Variants in OGG1 observed in about 807,000 individuals in gnomAD.
OGG1 encodes N-glycosylase/DNA lyase.
In OGG1, 35 loss-of-function variants were observed where a neutral mutation model predicts 42.3. The observed-to-expected ratio is 0.83, with a 90% CI of 0.63 to 1.10. The LOEUF (loss-of-function observed/expected upper bound fraction) is 1.10. OGG1 is among the 50% of genes least tolerant of loss of function. OGG1 has a pLI of 0.00. For missense variants in OGG1, 484 were observed against 446.7 expected (o/e 1.08, Z -0.75); for synonymous variants, 189 against 179.0 (o/e 1.06, Z -0.44).
Position 9,772,900 on chromosome 3 carries a change from G to A in OGG1, c.295-8613G>A, listed in dbSNP as rs569776596. ...CAATTCTTCCAGATTTTTTGGATGC[G>A]TATACATATACATCCTTCTGCAGCC... On this transcript the variant is annotated intron_variant, in intron 2 of 3. Coordinates refer to the OGG1 transcript ENST00000426518. Among the ~76,000 whole-genome samples the A allele has an allele frequency of 1.5e-4, 23 of 152,178 alleles. No individual in the cohort carries two copies. In the South Asian group the frequency reaches 3.9e-3, roughly 26 times the overall value.
At chr3:9,774,301 C>T (rs112689600) in intron 2 of OGG1, among the ~76,000 whole-genome samples, 18 of 149,714 alleles carry the variant, frequency 1.2e-4, no homozygotes, top group Admixed American at 6.1e-4. Context: ...CCCAGCTACT[C>T]GGGAGGCTGA....
downstream of OGG1, chr3:9,757,790 G>A: frequency 6.2e-7 from 1 of 1,613,928 alleles, no homozygotes. The surrounding 1 kb of genome is among the most constrained non-coding windows in gnomAD (Gnocchi z 4.5). Flanking sequence ...CCTCCTGGCT[G>A]GTGCCCAGCT....
At chr3:9,786,923 T>A in intron 3 of OGG1, 8 of 1,297,732 alleles carry the variant, frequency 6.2e-6, no homozygotes, top group Non-Finnish European at 8.7e-6. Flanking sequence ...CTAATAAATG[T>A]ATGATAAATT....
exon 8 of OGG1, chr3:9,765,959 C>T (rs1316670134): frequency 1.2e-6 from 2 of 1,614,222 alleles, no homozygotes; most frequent in Admixed American, 3.3e-5. Context: ...CTCCTCCATT[C>T]CCTATGGGTT....
At chr3:9,754,626 A>T (rs2077451812) in intron 3 of OGG1, 78 bp from the exon 4 acceptor site, 1 of 1,476,258 alleles carries the variant, frequency 6.8e-7, no homozygotes, top group Non-Finnish European at 9.4e-7. Flanking sequence ...CTTGTGAGGT[A>T]GAGAGCTCAC....
At chr3:9,764,544 T>G (rs1348718468) in intron 7 of OGG1, among the ~76,000 whole-genome samples, 1 of 150,314 alleles carries the variant, frequency 6.7e-6, no homozygotes, top group Non-Finnish European at 1.5e-5. Context: ...ACTCCCCACC[T>G]CAGGTGATCT....
At chr3:9,772,650 G>T (rs1034728477) in intron 2 of OGG1, among the ~76,000 whole-genome samples, 5 of 152,172 alleles carry the variant, frequency 3.3e-5, no homozygotes, top group African/African-American at 1.2e-4. Flanking sequence ...AAGGACTCTG[G>T]CTCTGCTTGA....
chr3:9,785,898 T>C (rs1364979232), intron 3 of OGG1, among the ~76,000 whole-genome samples: 1 of 151,682 alleles, frequency 6.6e-6, no homozygotes, highest in Non-Finnish European at 1.5e-5. Flanking sequence ...TAGCTAGGCA[T>C]GGGCCAAAAA....
chr3:9,785,512 C>T lies in OGG1; in HGVS notation c.383-2216C>T, dbSNP rs933479820. The T allele has an allele frequency of 4.7e-6, 4 of 847,370 alleles. No homozygotes were observed. The African/African-American group carries it at 5.0e-5, about 11-fold the overall frequency. 52.5% of individuals were successfully genotyped at this position (847,370 alleles called of 1,614,324 possible). A position where few individuals can be genotyped will look rare whatever the true frequency, so the allele number is the denominator to read the frequency against. ...GACCTACACTGACAGTCTTCAAACA[C>T]CAGAAATATCCTTTTATCTTTCCCA... On this transcript the variant is annotated intron_variant, in intron 3 of 3. Coordinates refer to the OGG1 transcript ENST00000426518.
At chr3:9,756,881 C>T (rs373245651) in intron 6 of OGG1, 65 bp downstream of exon 6, 3 of 1,612,350 alleles carry the variant, frequency 1.9e-6, no homozygotes, top group African/African-American at 2.7e-5. Context: ...TGGACTCTTC[C>T]ACCACCGCCC....
intron 2 of OGG1, among the ~76,000 whole-genome samples, chr3:9,776,616 C>T (rs1277991167): frequency 1.3e-5 from 2 of 152,082 alleles, no homozygotes; most frequent in African/African-American, 4.8e-5. Flanking sequence ...GTCTCGATCT[C>T]CTGACCTCGT....
downstream of OGG1, chr3:9,759,387 G>C: frequency 6.4e-7 from 1 of 1,565,530 alleles, no homozygotes. Context: ...AGCAGTTACT[G>C]TGTGCCCAGT....
intron 3 of OGG1, among the ~76,000 whole-genome samples, chr3:9,753,373 C>T (rs6787046): frequency 0.036 from 5,241 of 145,410 alleles, 171 homozygotes; most frequent in African/African-American, 0.086. Flanking sequence ...AAAAACCTGG[C>T]CGGGCGTGGT....
At chr3:9,786,384 A>G (rs2078611892) in intron 3 of OGG1, among the ~76,000 whole-genome samples, 1 of 152,174 alleles carries the variant, frequency 6.6e-6, no homozygotes, top group Non-Finnish European at 1.5e-5. Context: ...AACCTGCAAC[A>G]TGTACCCAGA....
intron 1 of OGG1, 135 bp from the exon 2 acceptor site, chr3:9,750,810 C>T: frequency 9.1e-7 from 1 of 1,093,284 alleles, no homozygotes. Flanking sequence ...GAGGTTTCGC[C>T]ATGTTGCTCA....
At chr3:9,757,792 T>C, downstream of OGG1, 3 of 1,613,906 alleles carry the variant, frequency 1.9e-6, no homozygotes, top group Non-Finnish European at 2.5e-6. The surrounding 1 kb of genome is among the most constrained non-coding windows in gnomAD (Gnocchi z 4.5). Context: ...TCCTGGCTGG[T>C]GCCCAGCTGC....
At chr3:9,767,644 AC>A (rs776099695), downstream of OGG1, 5 of 1,613,386 alleles carry the variant, frequency 3.1e-6, no homozygotes, top group Non-Finnish European at 3.4e-6. Flanking sequence ...GCCATCCAGC[AC>A]CCAATCCTGC....
intron 1 of OGG1, 106 bp downstream of exon 1, chr3:9,750,529 C>T (rs2077252025): frequency 2.0e-6 from 3 of 1,517,846 alleles, no homozygotes; most frequent in East Asian, 2.4e-5. Context: ...GGAAGAAACC[C>T]GGGGTACAAA....
chr3:9,751,913 A>T lies in OGG1; in HGVS notation c.529A>T (p.Thr177Ser), dbSNP rs144249605. ...TCGGCTCATCCAGCTTGATGATGTC[A>T]CCTACCATGGCTTCCCCAGCCTGCA... ...GPRLIQLDDV[T>S]YHGFPSLQAL... is the part of the protein sequence containing the mutation. Residue 177 changes from threonine (T) to serine (S), a missense_variant, in exon 3 of 7, where the codon ACC becomes TCC. By Grantham distance (58) the Thr-to-Ser change is moderately conservative. Transcript: ENST00000344629. 73 of 1,614,064 alleles carry T rather than the reference A, an allele frequency of 4.5e-5. No individual in the cohort carries two copies. In the African/African-American group the frequency reaches 8.3e-4, roughly 18 times the overall value.
Sources: gnomAD v4.1 joint callset for allele counts (sites outside exome capture counted in the v4.1 genomes callset) on GRCh38, gnomAD v4.1.1 for gene constraint, Gnocchi (gnomAD v3.1) non-coding constraint, MANE v1.5 for transcripts, NCBI Gene and HGNC (gene_info 2026-07-23, HGNC 2026-07-21) for gene names.